The following CDH4 variants were observed in gnomAD, a reference collection of about 807,000 sequenced individuals.
CDH4 encodes the protein cadherin 4.
In CDH4, 33 loss-of-function variants were observed where a neutral mutation model predicts 86.0. The ratio of observed to expected loss-of-function variants is 0.38; its 90% CI spans 0.29 to 0.51. The LOEUF is 0.51. Ranked by LOEUF, CDH4 falls within the 20% of genes least tolerant of loss-of-function variation. CDH4 has a pLI of 0.86. For synonymous variants in CDH4, 555 were observed against 549.4 expected (o/e 1.01, Z -0.14); for missense variants, 1,114 against 1,307.4 (o/e 0.85, Z 2.28).
At chr20:61,756,515 C>A in intron 3 of CDH4, among the ~76,000 whole-genome samples, 1 of 150,588 alleles carries the variant, frequency 6.6e-6, no homozygotes, top group African/African-American at 2.4e-5. Flanking sequence ...AGGCCCATCC[C>A]CCCATCCCCC....
intron 2 of CDH4, among the ~76,000 whole-genome samples, chr20:61,422,596 C>T (rs1379079302): frequency 6.6e-6 from 1 of 152,060 alleles, no homozygotes; most frequent in Non-Finnish European, 1.5e-5. Context: ...CTCTTCTCTC[C>T]GTGGTGTACA....
rs938285938 is a variant in CDH4, at chr20:61,595,647, G to A, written c.170-147916G>A. Among the ~76,000 whole-genome samples the A allele has an allele frequency of 6.6e-5, 10 of 152,184 alleles. No individual in the cohort carries two copies. The South Asian group carries it at 8.3e-4, about 13-fold the overall frequency. On this transcript the variant is annotated intron_variant, in intron 2 of 15. Coordinates refer to ENST00000614565, the MANE Select transcript of CDH4 (RefSeq NM_001794.5). ...ATTCTTCTGTAGTCATTTAGAGAAC[G>A]TTAGCCATGGTTCCGAGGCACCACG... is the stretch of plus-strand genomic sequence containing the variant.
intron 2 of CDH4, among the ~76,000 whole-genome samples, chr20:61,661,084 C>CGGAG (rs1555821278): frequency 1.3e-5 from 1 of 74,798 alleles, no homozygotes; most frequent in African/African-American, 4.1e-5. Flanking sequence ...GGAGGCATGG[C>CGGAG]GGGGGGGGGG....
intron 4 of CDH4, among the ~76,000 whole-genome samples, chr20:61,821,424 A>C (rs550776034): frequency 2.8e-4 from 3 of 10,828 alleles, no homozygotes; most frequent in Non-Finnish European, 4.2e-4. Context: ...GTCCCCTCTC[A>C]CTCCCTACAC....
intron 2 of CDH4, among the ~76,000 whole-genome samples, chr20:61,673,557 T>C (rs768783084): frequency 6.6e-6 from 1 of 152,168 alleles, no homozygotes; most frequent in South Asian, 2.1e-4. Flanking sequence ...CAGCTACATC[T>C]TTGTTAAGGT....
intron 4 of CDH4, among the ~76,000 whole-genome samples, chr20:61,791,654 G>A (rs1979208289): frequency 1.3e-5 from 2 of 152,324 alleles, no homozygotes; most frequent in South Asian, 4.1e-4. Context: ...CAGGGAGAGT[G>A]GAGCACAGGG....
rs113347572 is a variant in CDH4 at position 61,456,638 on chromosome 20, G to A, written c.169+201701G>A. ...ATTATTTCTTAAAAGCCATTATAATGTGCATAACTGATCTTTGGAACACTG... is the reference window on the plus strand; with the variant it reads ...ATTATTTCTTAAAAGCCATTATAATATGCATAACTGATCTTTGGAACACTG... On this transcript the variant is annotated intron_variant, in intron 2 of 15. Coordinates refer to ENST00000614565, the MANE Select transcript of CDH4 (RefSeq NM_001794.5). Among the ~76,000 whole-genome samples, 1,082 of 152,314 alleles carry A rather than the reference G, an allele frequency of 7.1e-3. 13 individuals carry two copies. Among genetic ancestry groups the A allele is most frequent in the African/African-American group, 0.025 (1,020 of 41,556 alleles).
At chr20:61,258,339 A>AAAAAAAAAAAAAG (rs1555830539) in intron 2 of CDH4, among the ~76,000 whole-genome samples, 2 of 139,216 alleles carry the variant, frequency 1.4e-5, no homozygotes, top group African/African-American at 2.7e-5. Flanking sequence ...CAAAAAAAAA[A>AAAAAAAAAAAAAG]AAAAAAGAAA....
intron 2 of CDH4, among the ~76,000 whole-genome samples, chr20:61,688,521 C>T (rs1007833516): frequency 1.4e-4 from 21 of 152,236 alleles, no homozygotes; most frequent in Admixed American, 6.5e-4. Context: ...TCCCCTGGAC[C>T]GCACTCTGGG....
intron 3 of CDH4, among the ~76,000 whole-genome samples, chr20:61,771,122 G>A (rs937900669): frequency 2.0e-5 from 3 of 148,802 alleles, no homozygotes; most frequent in South Asian, 4.3e-4. Context: ...GTGATTCTCC[G>A]GTGTCAGCCT....
At chr20:61,554,802 A>C (rs1483526527) in intron 2 of CDH4, among the ~76,000 whole-genome samples, 1 of 152,252 alleles carries the variant, frequency 6.6e-6, no homozygotes, top group African/African-American at 2.4e-5. Context: ...ACACGTGCAC[A>C]TGTATGCACA....
intron 2 of CDH4, among the ~76,000 whole-genome samples, chr20:61,525,751 G>A (rs1382717739): frequency 6.6e-6 from 1 of 152,106 alleles, no homozygotes; most frequent in Non-Finnish European, 1.5e-5. Context: ...GTTTCTTTCC[G>A]GTTCATGTCA....
chr20:61,534,672 T>C (rs1349048000), intron 2 of CDH4, among the ~76,000 whole-genome samples: 1 of 141,630 alleles, frequency 7.1e-6, no homozygotes, highest in Non-Finnish European at 1.5e-5. Context: ...TTTCTTTTTT[T>C]TTTTTTTTTT....
intron 2 of CDH4, among the ~76,000 whole-genome samples, chr20:61,539,534 G>A (rs1237113168): frequency 6.6e-6 from 1 of 152,118 alleles, no homozygotes; most frequent in Non-Finnish European, 1.5e-5. Flanking sequence ...GGTTGGATTA[G>A]GCCCCACCCT....
chr20:61,552,315 G>T (rs1445046045), intron 2 of CDH4, among the ~76,000 whole-genome samples: 1 of 152,172 alleles, frequency 6.6e-6, no homozygotes, highest in South Asian at 2.1e-4. Context: ...CAAAAGTTTT[G>T]AATATTTTTT....
intron 2 of CDH4, among the ~76,000 whole-genome samples, chr20:61,566,795 A>ACT (rs2086301340): frequency 6.6e-6 from 1 of 152,086 alleles, no homozygotes. Flanking sequence ...TCACCGAGAC[A>ACT]CTCAACAGCT....
chr20:61,921,348 A>G (rs2054981189), intron 9 of CDH4, among the ~76,000 whole-genome samples: 1 of 152,268 alleles, frequency 6.6e-6, no homozygotes. Flanking sequence ...TCTCACAGTG[A>G]TAGGCACGCT....
At chr20:61,843,219 G>A (rs1982255561) in intron 4 of CDH4, among the ~76,000 whole-genome samples, 1 of 151,928 alleles carries the variant, frequency 6.6e-6, no homozygotes, top group South Asian at 2.1e-4. Flanking sequence ...GGGAGGCCGA[G>A]GCGGGTGAAT....
rs369770834 is a variant in CDH4 at position 61,896,424 on chromosome 20, G to A, written c.1188+1377G>A. Among the ~76,000 whole-genome samples the A allele has an allele frequency of 3.9e-5, 6 of 152,348 alleles. No homozygotes were observed. In the East Asian group the frequency reaches 5.8e-4, roughly 15 times the overall value. ...GGCCTGGGGCGCAGCTGCACCAGGCGGAGGTGGCTGTGAGCACACAACGCC... is the reference window on the plus strand; with the variant it reads ...GGCCTGGGGCGCAGCTGCACCAGGCAGAGGTGGCTGTGAGCACACAACGCC... On this transcript the variant is annotated intron_variant, in intron 8 of 15. Coordinates refer to ENST00000614565, the MANE Select transcript of CDH4 (RefSeq NM_001794.5).
Sources: gnomAD v4.1 joint callset for allele counts (sites outside exome capture counted in the v4.1 genomes callset) on GRCh38, gnomAD v4.1.1 for gene constraint, MANE v1.5 for transcripts, NCBI Gene and HGNC (gene_info 2026-07-23, HGNC 2026-07-21) for gene names.